The following THTPA variants were observed in gnomAD, a reference collection of about 807,000 sequenced individuals.
THTPA encodes the protein thiamine-triphosphatase.
Under a neutral mutation model 16.5 loss-of-function variants are expected in THTPA, and 16 were observed. That is an observed-to-expected ratio of 0.97 (90% CI 0.66 to 1.47). THTPA has a LOEUF of 1.47. Among genes scored for constraint, THTPA ranks in the 40% most tolerant of loss-of-function variants. The pLI is 0.00. For missense variants in THTPA, 281 were observed against 280.9 expected (o/e 1.00, Z 0.00); for synonymous variants, 110 against 115.5 (o/e 0.95, Z 0.30).
the THTPA span, among the ~76,000 whole-genome samples, chr14:23,550,376 T>G: frequency 4.1e-4 from 63 of 152,170 alleles, no homozygotes; most frequent in Non-Finnish European, 8.4e-4. Context: ...GCCAGAGATA[T>G]CCAGACAGAC....
At chr14:23,520,864 A>G in the THTPA span, 1 of 145,410 alleles carries the variant, frequency 6.9e-6, no homozygotes. This position sits in a 1 kb window ranked among gnomAD's most constrained non-coding sequence, Gnocchi z 8.7. Flanking sequence ...GTCTGATGGG[A>G]GTTTTCTTCC....
At chr14:23,528,790 C>T in the THTPA span, 3 of 985,446 alleles carry the variant, frequency 3.0e-6, no homozygotes, top group Middle Eastern at 5.2e-4. Flanking sequence ...ACATTCTCAG[C>T]CACACTTCCA....
the THTPA span, chr14:23,548,478 CCT>C: frequency 2.6e-5 from 4 of 152,182 alleles, no homozygotes; most frequent in Admixed American, 2.6e-4. Flanking sequence ...ACACCAGCTG[CCT>C]CTGACATCAT....
chr14:23,529,676 C>T, the THTPA span: 6 of 1,528,034 alleles, frequency 3.9e-6, no homozygotes, highest in African/African-American at 2.7e-5. Flanking sequence ...GCCAGGCCCC[C>T]ACTTCAGCTC....
At chr14:23,535,133 A>G in the THTPA span, 4 of 1,536,156 alleles carry the variant, frequency 2.6e-6, no homozygotes, top group Admixed American at 2.0e-5. This position sits in a 1 kb window ranked among gnomAD's most constrained non-coding sequence, Gnocchi z 4.5. Flanking sequence ...ACGAGGCCAC[A>G]GCCCGACTCC....
At chr14:23,513,629 C>CA in the THTPA span, 1 of 152,646 alleles carries the variant, frequency 6.6e-6, no homozygotes, top group African/African-American at 2.4e-5. Context: ...TTGTAGCTGC[C>CA]ACCCTTGTGC....
the THTPA span, chr14:23,534,600 G>A: frequency 2.6e-6 from 4 of 1,536,152 alleles, no homozygotes; most frequent in South Asian, 3.6e-5. This position sits in a 1 kb window ranked among gnomAD's most constrained non-coding sequence, Gnocchi z 4.5. Context: ...AACCCAGGCG[G>A]CACAGAAGGC....
chr14:23,538,684 C>T, the THTPA span, among the ~76,000 whole-genome samples: 2 of 152,098 alleles, frequency 1.3e-5, no homozygotes, highest in Non-Finnish European at 2.9e-5. Context: ...CAAGGCGACC[C>T]CTGAAAGGCC....
At chr14:23,551,147 A>T (rs565026201), upstream of THTPA, among the ~76,000 whole-genome samples, 1 of 140,902 alleles carries the variant, frequency 7.1e-6, no homozygotes, top group African/African-American at 2.7e-5. This position sits in a 1 kb window ranked among gnomAD's most constrained non-coding sequence, Gnocchi z 5.3. Context: ...GCTATCTCCC[A>T]GGGCTCTCGG....
chr14:23,532,049 T>C, the THTPA span: 3 of 195,228 alleles, frequency 1.5e-5, no homozygotes, highest in African/African-American at 4.6e-5. Context: ...GTGCCGGGAC[T>C]ACAGGCGTGA....
At chr14:23,530,632 A>G in the THTPA span, 1 of 354,632 alleles carries the variant, frequency 2.8e-6, no homozygotes, top group Non-Finnish European at 5.5e-6. Flanking sequence ...ATTACCGCTC[A>G]AGTAAGAATT....
chr14:23,531,604 C>T, the THTPA span: 1 of 1,524,456 alleles, frequency 6.6e-7, no homozygotes, highest in Non-Finnish European at 8.8e-7. Flanking sequence ...TCGCGGTGGG[C>T]AGGTGTGCGC....
upstream of THTPA, among the ~76,000 whole-genome samples, chr14:23,551,094 C>T (rs757652711): frequency 6.6e-6 from 1 of 151,800 alleles, no homozygotes; most frequent in African/African-American, 2.4e-5. This position sits in a 1 kb window ranked among gnomAD's most constrained non-coding sequence, Gnocchi z 5.3. Flanking sequence ...CATCTCTCTT[C>T]CCCCATCCTC....
At chr14:23,528,394 CT>C in the THTPA span, among the ~76,000 whole-genome samples, 2 of 152,206 alleles carry the variant, frequency 1.3e-5, no homozygotes, top group Non-Finnish European at 1.5e-5. Context: ...GCCTCTCTGC[CT>C]TTTCTTGGTG....
Position 23,557,754 on chromosome 14 carries a change from C to CT in THTPA, c.547+458dup, listed in dbSNP as rs368147892. 7.4e-4 allele frequency among the ~76,000 whole-genome samples: 111 copies of CT among 150,622 alleles called. 1 individual carries two copies. Among genetic ancestry groups the CT allele is most frequent in the African/African-American group, 2.6e-3 (106 of 40,072 alleles). ...CTTTGACTCTTCCTTCCCCCAATCT[C>CT]TTTTTTTTCTTCTTCTTCAGTCACC... On this transcript the variant is annotated intron_variant, in intron 1 of 1. Transcript: ENST00000288014.
upstream of THTPA, among the ~76,000 whole-genome samples, chr14:23,554,010 G>C (rs111239494): frequency 2.3e-4 from 31 of 135,200 alleles, 1 homozygote; most frequent in African/African-American, 8.6e-4. Context: ...GTTGCAGTGA[G>C]CTGAGACGCC....
the THTPA span, chr14:23,533,323 T>G: frequency 7.0e-7 from 1 of 1,438,338 alleles, no homozygotes; most frequent in Non-Finnish European, 9.1e-7. This position sits in a 1 kb window ranked among gnomAD's most constrained non-coding sequence, Gnocchi z 4.8. Flanking sequence ...TCCTACGTGG[T>G]GGAAACCATT....
At chr14:23,536,320 C>T in the THTPA span, among the ~76,000 whole-genome samples, 1 of 152,154 alleles carries the variant, frequency 6.6e-6, no homozygotes, top group South Asian at 2.1e-4. Flanking sequence ...AGGAAAGACC[C>T]TCAGATTTTC....
the THTPA span, chr14:23,527,479 C>T: frequency 2.1e-5 from 26 of 1,256,306 alleles, no homozygotes; most frequent in African/African-American, 1.0e-4. Context: ...AGCCAACACA[C>T]GCACTTGCCT....
Sources: gnomAD v4.1 joint callset for allele counts (sites outside exome capture counted in the v4.1 genomes callset) on GRCh38, gnomAD v4.1.1 for gene constraint, Gnocchi (gnomAD v3.1) non-coding constraint, MANE v1.5 for transcripts, NCBI Gene and HGNC (gene_info 2026-07-23, HGNC 2026-07-21) for gene names.